Variants in MMGT1 observed in about 807,000 individuals in gnomAD.
The protein encoded by MMGT1 is membrane magnesium transporter 1, also known as ER membrane protein complex subunit 5.
In MMGT1, 2 loss-of-function variants were observed where a neutral mutation model predicts 11.7. The ratio of observed to expected loss-of-function variants is 0.17; its 90% confidence interval spans 0.07 to 0.54. MMGT1 has a LOEUF of 0.54. Among genes scored for constraint, MMGT1 ranks in the 20% least tolerant of loss-of-function variants. The pLI is 0.94. For missense variants in MMGT1, 74 were observed against 109.0 expected (o/e 0.68, Z 1.43); for synonymous variants, 49 against 44.4 (o/e 1.10, Z -0.41).
In MMGT1 at chrX:135,964,832, C is replaced by A; in HGVS notation, c.*192G>T. 1 of 334,491 alleles carries A rather than the reference C, an allele frequency of 3.0e-6. No individual in the cohort carries two copies. The highest frequency in any genetic ancestry group is 5.3e-6 in the Non-Finnish European group (1 of 187,318). 27.6% of individuals were successfully genotyped at this position (334,491 alleles called of 1,213,427 possible). A position where few individuals can be genotyped will look rare whatever the true frequency, so the allele number is the denominator to read the frequency against. On this transcript the variant is annotated 3_prime_UTR_variant, in exon 4 of 4. Transcript: ENST00000305963. ...ATTCCTATATGAAATACCAAAGACT[C>A]ATTTCACATATAACTTACACTGCAT...
At position 135,964,192 on chromosome X, in the gene MMGT1, T is replaced by C. The variant is rs1314720268; in HGVS notation, c.*832A>G. The C allele has an allele frequency of 8.8e-6, 1 of 113,259 alleles. No homozygotes were observed. The highest frequency in any genetic ancestry group is 1.9e-5 in the Non-Finnish European group (1 of 53,408). 9.3% of individuals were successfully genotyped at this position (113,259 alleles called of 1,213,427 possible). A position where few individuals can be genotyped will look rare whatever the true frequency, so the allele number is the denominator to read the frequency against. Reference sequence around the variant, plus strand: ...CAGAGTTTGAATCAGTTAAACTGGCTAATGACAATTTTCCTCAATGATTTT... The same window carrying C: ...CAGAGTTTGAATCAGTTAAACTGGCCAATGACAATTTTCCTCAATGATTTT... On this transcript the variant is annotated 3_prime_UTR_variant, in exon 4 of 4. Transcript: ENST00000305963.
Position 135,961,000 on chromosome X carries a change from A to G in MMGT1, c.*4024T>C, listed in dbSNP as rs1204786641. On this transcript the variant is annotated 3_prime_UTR_variant, in exon 4 of 4. Transcript: ENST00000305963. ...GGGTTTGGTAAATAATCATTCTCAT[A>G]CATTATATGTGGAAGCATACTGGGC... Among the ~76,000 whole-genome samples, 2 of 112,198 alleles carry G rather than the reference A, an allele frequency of 1.8e-5. No homozygotes were observed. The highest frequency in any genetic ancestry group is 6.5e-5 in the African/African-American group (2 of 30,879).
chrX:135,969,305 TACATTCCCACC>T (rs1225828596), intron 2 of MMGT1, among the ~76,000 whole-genome samples: 1 of 111,457 alleles, frequency 9.0e-6, no homozygotes, highest in African/African-American at 3.3e-5. Flanking sequence ...GATACCAATT[TACATTCCCACC>T]ACCAGTCTAC....
chrX:135,964,441 C>G lies in MMGT1; in HGVS notation c.*583G>C, dbSNP rs1241143418. On this transcript the variant is annotated 3_prime_UTR_variant, in exon 4 of 4. Coordinates refer to ENST00000305963, the MANE Select transcript of MMGT1 (RefSeq NM_173470.3). The stretch of plus-strand genomic sequence containing the variant: ...ATCTCAGAGAAATGATGAAACAAGA[C>G]AGCTGATGGTAGAAGGTATATGGGA... The G allele has an allele frequency of 8.9e-6, 1 of 112,735 alleles. No homozygotes were observed. The highest frequency in any genetic ancestry group is 1.9e-5 in the Non-Finnish European group (1 of 53,310). The allele number at this position is 112,735 out of a possible 1,213,427, so 9.3% of individuals were successfully genotyped here.
At position 135,973,861 on chromosome X, in the gene MMGT1, GA is replaced by G; in HGVS notation, c.-187del. The G allele has an allele frequency of 8.6e-7, 1 of 1,159,837 alleles. No homozygotes were observed. Among genetic ancestry groups the G allele is most frequent in the Non-Finnish European group, 1.1e-6 (1 of 870,195 alleles). On this transcript the variant is annotated 5_prime_UTR_variant, in exon 1 of 4. The change creates a premature stop within an existing upstream ORF in the 5' untranslated region. Transcript: ENST00000305963. ...GAAACAGGAATGCCGGGAAGAAGCA[GA>G]AAGCTACACGGAAAAAGGTCCGCGA...
chrX:135,967,943 C>T (rs1253663033), intron 2 of MMGT1, among the ~76,000 whole-genome samples: 1 of 110,756 alleles, frequency 9.0e-6, no homozygotes, highest in Non-Finnish European at 1.9e-5. Flanking sequence ...CTGCAACCTC[C>T]ACCTCCCGGG....
intron 1 of MMGT1, among the ~76,000 whole-genome samples, chrX:135,972,379 T>C (rs1203193041): frequency 8.9e-6 from 1 of 112,618 alleles, no homozygotes; most frequent in Non-Finnish European, 1.9e-5. Context: ...TTTAGAGACA[T>C]TTCTTAAGTT....
chrX:135,971,709 T>C (rs2089220533), intron 1 of MMGT1, among the ~76,000 whole-genome samples: 2 of 111,976 alleles, frequency 1.8e-5, no homozygotes, highest in Admixed American at 1.9e-4. Context: ...GGGGCAGTGG[T>C]GGAATAGGAA....
At chrX:135,972,123 T>C (rs782803413) in intron 1 of MMGT1, among the ~76,000 whole-genome samples, 1 of 112,192 alleles carries the variant, frequency 8.9e-6, no homozygotes, top group Non-Finnish European at 1.9e-5. Flanking sequence ...TATCTGCTGC[T>C]ACAGTCTGAC....
intron 3 of MMGT1, among the ~76,000 whole-genome samples, chrX:135,966,947 A>G (rs1396205192): frequency 2.7e-5 from 3 of 109,833 alleles, no homozygotes; most frequent in Non-Finnish European, 5.7e-5. Context: ...TTCAAGTGAG[A>G]GGGGAAACCG....
chrX:135,969,846 A>G (rs1215220642), intron 2 of MMGT1, among the ~76,000 whole-genome samples: 2 of 112,283 alleles, frequency 1.8e-5, no homozygotes, highest in African/African-American at 3.2e-5. Context: ...GTGTATAGGA[A>G]GAAGACTGAA....
rs2089164593 is a variant in MMGT1 at position 135,963,091 on chromosome X, A to C, written c.*1933T>G. 9.0e-6 allele frequency: 1 copy of C among 110,651 alleles called. No homozygotes were observed. The highest frequency in any genetic ancestry group is 1.9e-5 in the Non-Finnish European group (1 of 52,884). The allele number at this position is 110,651 out of a possible 1,213,427, so 9.1% of individuals were successfully genotyped here. The stretch of plus-strand genomic sequence containing the variant: ...ATGACCAGAATAAGCAAATCTACAG[A>C]GAGAGAAATAGATTAGTGGTTGCCA... On this transcript the variant is annotated 3_prime_UTR_variant, in exon 4 of 4. Transcript: ENST00000305963.
intron 3 of MMGT1, 92 bp from the exon 4 acceptor site, chrX:135,965,275 A>C: frequency 1.5e-6 from 1 of 662,721 alleles, no homozygotes. Context: ...TCAATTTACT[A>C]TGGGTTATAT....
In MMGT1 at chrX:135,965,153, G is replaced by A. The variant is rs1603172266; in HGVS notation, c.267C>T (p.Ser89=). The change falls in exon 4 of 4, where the codon TCC becomes TCT. Residue 89 remains serine (S), a synonymous_variant. Coordinates refer to ENST00000305963, the MANE Select transcript of MMGT1 (RefSeq NM_173470.3). ...KTFDTLRNHP[S]FYVFNHRGRV... ...GACCACGATGATTAAATACATAAAA[G>A]GATGGGTGATTCCTTAACGTATCAA... 8 of 1,207,159 alleles carry A rather than the reference G, an allele frequency of 6.6e-6. No homozygotes were observed. In the East Asian group the frequency reaches 2.1e-4, roughly 31 times the overall value.
chrX:135,972,801 T>C (rs1556612692), intron 1 of MMGT1, among the ~76,000 whole-genome samples: 1 of 112,052 alleles, frequency 8.9e-6, no homozygotes, highest in Non-Finnish European at 1.9e-5. Context: ...GTGGTGCTCA[T>C]GATGCTGGTC....
Position 135,965,081 on chromosome X carries a change from A to G in MMGT1, c.339T>C (p.Asp113=), listed in dbSNP as rs1556611811. The G allele has an allele frequency of 9.1e-6, 11 of 1,210,287 alleles. No individual in the cohort carries two copies. The highest frequency in any genetic ancestry group is 2.2e-5 in the Admixed American group (1 of 46,034). ...PSDTANSSNQ[D]ALSSNTSLKL... Reference sequence around the variant, plus strand: ...TCAATGATGTGTTAGAGGACAATGCATCTTGGTTTGAAGAATTTGCTGTAT... The same window carrying G: ...TCAATGATGTGTTAGAGGACAATGCGTCTTGGTTTGAAGAATTTGCTGTAT... The change falls in exon 4 of 4, where the codon GAT becomes GAC. Residue 113 remains aspartate, a synonymous_variant. Coordinates refer to ENST00000305963, the MANE Select transcript of MMGT1 (RefSeq NM_173470.3).
rs962013585 is a variant in MMGT1, at chrX:135,961,721, G to T, written c.*3303C>A. Among the ~76,000 whole-genome samples, 1 of 111,349 alleles carries T rather than the reference G, an allele frequency of 9.0e-6. No individual in the cohort carries two copies. Among genetic ancestry groups the T allele is most frequent in the Non-Finnish European group, 1.9e-5 (1 of 53,041 alleles). On this transcript the variant is annotated 3_prime_UTR_variant, in exon 4 of 4. Coordinates refer to ENST00000305963, the MANE Select transcript of MMGT1 (RefSeq NM_173470.3). ...GCTTCCTTGATGCTTTAATCATAAC[G>T]ATTTCCTATTAAGTATAAAGTGACA...
In MMGT1 at chrX:135,962,324, T is replaced by C. The variant is rs1268352526; in HGVS notation, c.*2700A>G. The C allele has an allele frequency of 8.9e-6, 1 of 111,840 alleles. No individual in the cohort carries two copies. Among genetic ancestry groups the C allele is most frequent in the African/African-American group, 3.2e-5 (1 of 30,787 alleles). 9.2% of individuals were successfully genotyped at this position (111,840 alleles called of 1,213,427 possible). ...ATCACCTCCAACTCATTGATATGCA[T>C]ATTCTGCGGCTGCACAGTATTTGGC... On this transcript the variant is annotated 3_prime_UTR_variant, in exon 4 of 4. Transcript: ENST00000305963.
intron 3 of MMGT1, among the ~76,000 whole-genome samples, chrX:135,966,113 G>A (rs2089183486): frequency 8.9e-6 from 1 of 112,157 alleles, no homozygotes; most frequent in Admixed American, 9.5e-5. Flanking sequence ...TTTCCAGTGA[G>A]AGATATGTAG....
Sources: allele counts gnomAD v4.1 joint callset (sites outside exome capture counted in the v4.1 genomes callset), GRCh38; gene constraint gnomAD v4.1.1; transcripts MANE v1.5; gene names NCBI Gene and HGNC (gene_info 2026-07-23, HGNC 2026-07-21).